The following HPCAL1 variants were observed in gnomAD, a reference collection of about 807,000 sequenced individuals.
HPCAL1 encodes the protein hippocalcin like 1, also known as hippocalcin-like protein 1.
HPCAL1 carries 8 observed loss-of-function variants against 17.1 expected under a neutral mutation model. The observed-to-expected ratio is 0.47, with a 90% CI of 0.27 to 0.84. HPCAL1 has a LOEUF of 0.84. Among genes scored for constraint, HPCAL1 ranks in the 40% least tolerant of loss-of-function variants. HPCAL1 has a pLI of 0.13. For synonymous variants in HPCAL1, 112 were observed against 111.4 expected (o/e 1.01, Z -0.03); for missense variants, 165 against 271.1 (o/e 0.61, Z 2.75).
At position 10,423,372 on chromosome 2, in the gene HPCAL1, G is replaced by A. The variant is rs570077097; in HGVS notation, c.484+284G>A. ...AATCGGGCATACCCATATTCCCGTG[G>A]GTACAATGTTTAGGGGCAGGGAGGC... On this transcript the variant is annotated intron_variant, in intron 4 of 4. Transcript: ENST00000307845. 1.3e-5 allele frequency: 5 copies of A among 372,904 alleles called. 1 individual carries two copies. Among genetic ancestry groups the A allele is most frequent in the South Asian group, 1.2e-4 (4 of 33,150 alleles). 23.1% of individuals were successfully genotyped at this position (372,904 alleles called of 1,614,324 possible). A position where few individuals can be genotyped will look rare whatever the true frequency, so the allele number is the denominator to read the frequency against.
intron 1 of HPCAL1, among the ~76,000 whole-genome samples, chr2:10,357,857 T>C (rs1666265288): frequency 1.3e-5 from 2 of 148,388 alleles, no homozygotes; most frequent in African/African-American, 4.9e-5. Flanking sequence ...AAGCGTGCTA[T>C]GCCAGAAAGC....
chr2:10,399,400 C>T (rs1274166691), intron 2 of HPCAL1, among the ~76,000 whole-genome samples: 9 of 33,302 alleles, frequency 2.7e-4, no homozygotes, highest in African/African-American at 9.8e-4. Flanking sequence ...ACCACCATCA[C>T]CACCACCACC....
intron 1 of HPCAL1, among the ~76,000 whole-genome samples, chr2:10,355,651 G>T (rs569950997): frequency 4.5e-4 from 68 of 152,190 alleles, no homozygotes; most frequent in African/African-American, 1.5e-3. Flanking sequence ...CACCCAGAGA[G>T]CGGCTGGGAA....
intron 1 of HPCAL1, among the ~76,000 whole-genome samples, chr2:10,353,714 G>A (rs761330966): frequency 3.9e-5 from 6 of 152,200 alleles, no homozygotes; most frequent in Non-Finnish European, 8.8e-5. Context: ...GATTATAGGC[G>A]TGTGCCGCTA....
At position 10,330,076 on chromosome 2, in the gene HPCAL1, T is replaced by G. The variant is rs1664261446; in HGVS notation, c.-111+26899T>G. ...ACACTTCCTGTTATTTAAATCTTGG[T>G]CCTTTGATTTTTTTTTTTTTTCCTT... On this transcript the variant is annotated intron_variant, in intron 1 of 4. Coordinates refer to ENST00000307845, the MANE Select transcript of HPCAL1 (RefSeq NM_002149.4). This position sits in a 1 kb window ranked among gnomAD's most constrained non-coding sequence, Gnocchi z 4.2. 6.9e-6 allele frequency: 1 copy of G among 144,686 alleles called. No individual in the cohort carries two copies. Among genetic ancestry groups the G allele is most frequent in the South Asian group, 2.1e-4 (1 of 4,724 alleles). 9.0% of individuals were successfully genotyped at this position (144,686 alleles called of 1,614,324 possible).
chr2:10,380,025 G>T (rs1224270197), intron 1 of HPCAL1, among the ~76,000 whole-genome samples: 1 of 152,212 alleles, frequency 6.6e-6, no homozygotes, highest in East Asian at 1.9e-4. Context: ...AGTCCATCTG[G>T]AGGTCCAGGC....
At chr2:10,387,222 G>A (rs11884075) in intron 1 of HPCAL1, among the ~76,000 whole-genome samples, 61,476 of 152,144 alleles carry the variant, frequency 0.4, 13,898 homozygotes, top group East Asian at 0.78. Flanking sequence ...AAGAGTAGTC[G>A]CGTGTGAATC....
intron 1 of HPCAL1, among the ~76,000 whole-genome samples, chr2:10,349,113 T>C (rs1003261181): frequency 6.6e-6 from 1 of 152,230 alleles, no homozygotes; most frequent in Non-Finnish European, 1.5e-5. Flanking sequence ...CAGTTAACAA[T>C]GCTGGCCACG....
chr2:10,316,920 C>A (rs1026611830), intron 1 of HPCAL1, among the ~76,000 whole-genome samples: 3 of 152,114 alleles, frequency 2.0e-5, no homozygotes, highest in African/African-American at 7.2e-5. Context: ...AGGATCTTTA[C>A]CTATGATACC....
intron 2 of HPCAL1, among the ~76,000 whole-genome samples, chr2:10,400,404 C>A (rs1339854456): frequency 1.3e-5 from 2 of 152,206 alleles, no homozygotes; most frequent in Non-Finnish European, 2.9e-5. Context: ...GCCAACAATT[C>A]TTCTGGAAGA....
rs1443113102 is a variant in HPCAL1 at position 10,367,382 on chromosome 2, G to C, written c.-110-29453G>C. Among the ~76,000 whole-genome samples, 1 of 151,636 alleles carries C rather than the reference G, an allele frequency of 6.6e-6. No individual in the cohort carries two copies. Among genetic ancestry groups the C allele is most frequent in the Non-Finnish European group, 1.5e-5 (1 of 67,930 alleles). ...GCTCACTGCAACCTCAAACTCCCAGGCTCAAGTGATCCTCCCACCTCAGCA... is the reference window on the plus strand; with the variant it reads ...GCTCACTGCAACCTCAAACTCCCAGCCTCAAGTGATCCTCCCACCTCAGCA... On this transcript the variant is annotated intron_variant, in intron 1 of 4. Coordinates refer to ENST00000307845, the MANE Select transcript of HPCAL1 (RefSeq NM_002149.4). The surrounding 1 kb of genome is among the most constrained non-coding windows in gnomAD (Gnocchi z 4.4).
intron 1 of HPCAL1, among the ~76,000 whole-genome samples, chr2:10,360,105 G>T (rs535971417): frequency 1.2e-4 from 19 of 152,322 alleles, no homozygotes; most frequent in Non-Finnish European, 2.4e-4. Context: ...CAGTGCCAAG[G>T]ACCCATGTCC....
intron 1 of HPCAL1, among the ~76,000 whole-genome samples, chr2:10,338,144 G>C (rs1301706185): frequency 6.6e-6 from 1 of 152,124 alleles, no homozygotes; most frequent in African/African-American, 2.4e-5. Flanking sequence ...ATTCTAAAGA[G>C]ACAGAAAATA....
intron 1 of HPCAL1, among the ~76,000 whole-genome samples, chr2:10,309,856 C>T (rs575639077): frequency 6.6e-6 from 1 of 152,262 alleles, no homozygotes; most frequent in East Asian, 1.9e-4. Context: ...ACCCATTGTA[C>T]GCCAGGTAGA....
intron 2 of HPCAL1, among the ~76,000 whole-genome samples, chr2:10,402,268 C>T (rs949056980): frequency 2.0e-5 from 3 of 152,182 alleles, no homozygotes; most frequent in African/African-American, 4.8e-5. Context: ...AGACTGGAAG[C>T]GCTCTGAGGG....
intron 1 of HPCAL1, among the ~76,000 whole-genome samples, chr2:10,374,759 G>T (rs1667442975): frequency 6.6e-6 from 1 of 152,244 alleles, no homozygotes; most frequent in South Asian, 2.1e-4. Flanking sequence ...CGTAGAGGAG[G>T]CGCCCTGATC....
intron 2 of HPCAL1, among the ~76,000 whole-genome samples, chr2:10,410,141 C>G (rs539437886): frequency 4.6e-5 from 7 of 152,268 alleles, no homozygotes; most frequent in South Asian, 4.2e-4. Context: ...TGGTCGCCTT[C>G]CCTCAAAGCA....
chr2:10,364,522 C>G (rs368784010), intron 1 of HPCAL1, among the ~76,000 whole-genome samples: 1 of 151,214 alleles, frequency 6.6e-6, no homozygotes, highest in South Asian at 2.1e-4. Context: ...CTGCTTCCCT[C>G]GGGATGGTTT....
chr2:10,350,974 T>C (rs12476275), intron 1 of HPCAL1, among the ~76,000 whole-genome samples: 110,270 of 152,100 alleles, frequency 0.72, 40,233 homozygotes, highest in East Asian at 0.98. Flanking sequence ...GTTGGTAGGA[T>C]GAAAATGGTG....
Sources: gnomAD v4.1 joint callset for allele counts (sites outside exome capture counted in the v4.1 genomes callset) on GRCh38, gnomAD v4.1.1 for gene constraint, Gnocchi (gnomAD v3.1) non-coding constraint, MANE v1.5 for transcripts, NCBI Gene and HGNC (gene_info 2026-07-23, HGNC 2026-07-21) for gene names.